Variants in PDCD2L observed in about 807,000 individuals in gnomAD.
PDCD2L encodes uS5 assembly chaperone PDCD2L.
In PDCD2L, 44 loss-of-function variants were observed where a neutral mutation model predicts 40.4. That is an observed-to-expected ratio of 1.09 (90% CI 0.86 to 1.40). The LOEUF (loss-of-function observed/expected upper bound fraction) is 1.40. Among genes scored for constraint, PDCD2L ranks in the 40% most tolerant of loss-of-function variants. The pLI is 0.00. For missense variants in PDCD2L, 470 were observed against 453.7 expected (o/e 1.04, Z -0.33); for synonymous variants, 194 against 174.6 (o/e 1.11, Z -0.88).
chr19:34,407,729 A>G (rs1382580957), intron 3 of PDCD2L, among the ~76,000 whole-genome samples: 2 of 152,146 alleles, frequency 1.3e-5, no homozygotes, highest in South Asian at 4.2e-4. Flanking sequence ...GTGTGTACAT[A>G]TATGTGGTTG....
intron 6 of PDCD2L, among the ~76,000 whole-genome samples, chr19:34,423,211 G>C (rs1043061075): frequency 4.7e-4 from 72 of 151,782 alleles, no homozygotes; most frequent in African/African-American, 1.7e-3. Context: ...TGTTTTTTGA[G>C]ACGGAGTTTC....
Position 34,409,336 on chromosome 19 carries a change from T to C in PDCD2L, c.512T>C (p.Val171Ala). The change falls in exon 4 of 7, where the codon GTC becomes GCC. Residue 171 changes from valine (V) to alanine (A), a missense_variant. Coordinates refer to ENST00000246535, the MANE Select transcript of PDCD2L (RefSeq NM_032346.2). ...CAAGACCTCCGCCTGCAGGATGCTG[T>C]CCTGGGTGCTGCCCATCCTGTGCCT... ...RLQDLRLQDAVLGAAHPVPPG... is the reference protein window; with the variant it reads ...RLQDLRLQDAALGAAHPVPPG... The C allele has an allele frequency of 3.7e-6, 6 of 1,614,040 alleles. No homozygotes were observed. Among genetic ancestry groups the C allele is most frequent in the Non-Finnish European group, 5.1e-6 (6 of 1,180,018 alleles).
chr19:34,415,932 T>C (rs1025751791), intron 5 of PDCD2L, among the ~76,000 whole-genome samples: 2 of 152,182 alleles, frequency 1.3e-5, no homozygotes, highest in African/African-American at 4.8e-5. Flanking sequence ...AGAATTTTCT[T>C]TTTTCGGAAA....
chr19:34,413,320 G>A (rs989382771), intron 4 of PDCD2L, among the ~76,000 whole-genome samples: 8 of 147,112 alleles, frequency 5.4e-5, no homozygotes, highest in Non-Finnish European at 7.4e-5. Context: ...GATTAAAGGC[G>A]TGATTGATTT....
At position 34,404,791 on chromosome 19, in the gene PDCD2L, G is replaced by T; in HGVS notation, c.251G>T (p.Gly84Val). The T allele has an allele frequency of 6.2e-7, 1 of 1,605,420 alleles. No individual in the cohort carries two copies. The change falls in exon 2 of 7, where the codon GGC becomes GTC. Residue 84 changes from glycine (G) to valine (V), a missense_variant. Coordinates refer to ENST00000246535, the MANE Select transcript of PDCD2L (RefSeq NM_032346.2). Reference protein sequence around the residue: ...LLHVFACACPGCSTGGARSWK... With the variant: ...LLHVFACACPVCSTGGARSWK... ...CACGTGTTCGCGTGCGCCTGCCCCG[G>T]CTGTAGCACCGGCGGTGCGCGCAGG...
chr19:34,410,762 T>TTATATTTATTTATTTA (rs146147218), intron 4 of PDCD2L, among the ~76,000 whole-genome samples: 9,572 of 146,214 alleles, frequency 0.065, 396 homozygotes, highest in Admixed American at 0.087. Flanking sequence ...ACTTTTTATT[T>TTATATTTATTTATTTA]TTTATTTATT....
chr19:34,409,991 T>TA (rs1440534819), intron 4 of PDCD2L, among the ~76,000 whole-genome samples: 1 of 152,196 alleles, frequency 6.6e-6, no homozygotes, highest in Non-Finnish European at 1.5e-5. Context: ...GATGGTGATA[T>TA]CTCTGTTCTC....
intron 3 of PDCD2L, among the ~76,000 whole-genome samples, chr19:34,408,015 C>T (rs2075084739): frequency 6.6e-6 from 1 of 152,044 alleles, no homozygotes; most frequent in African/African-American, 2.4e-5. Context: ...CCAAGCCATT[C>T]TCCCACGTCA....
intron 3 of PDCD2L, among the ~76,000 whole-genome samples, chr19:34,407,772 AT>A (rs1467439145): frequency 6.6e-6 from 1 of 152,162 alleles, no homozygotes; most frequent in African/African-American, 2.4e-5. Flanking sequence ...TTTATAGTAA[AT>A]ATACTTTATG....
rs925230512 is a variant in PDCD2L, at chr19:34,411,079, G to A, written c.686+1569G>A. On this transcript the variant is annotated intron_variant, in intron 4 of 6. Coordinates refer to ENST00000246535, the MANE Select transcript of PDCD2L (RefSeq NM_032346.2). ...ATTACAGGTGTGAGCCACCGCGCCC[G>A]GCAGGATTTTTTATTTTTTAATTTC... 2.8e-4 allele frequency among the ~76,000 whole-genome samples: 42 copies of A among 150,220 alleles called. 1 individual carries two copies. The highest frequency in any genetic ancestry group is 2.4e-3 in the Admixed American group (36 of 15,068).
In PDCD2L at chr19:34,426,031, G is replaced by T. The variant is rs753916822; in HGVS notation, c.988G>T (p.Glu330Ter). The T allele has an allele frequency of 1.7e-5, 28 of 1,613,306 alleles. No individual in the cohort carries two copies. Residue 330 changes from glutamate (E) to a stop codon, truncating the protein, a stop_gained, in exon 7 of 7, where the codon GAG (glutamate) becomes TAG (stop). Transcript: ENST00000246535. LOFTEE classifies it high-confidence loss of function. Reference sequence around the variant, plus strand: ...TGGAACAATTCTAGTTTACACATGTGAGAAGAGTTGCTGGCCCCCAAATCA... The same window carrying T: ...TGGAACAATTCTAGTTTACACATGTTAGAAGAGTTGCTGGCCCCCAAATCA... ...EFGTILVYTC[E>*]KSCWPPNHQT...
In PDCD2L at chr19:34,407,174, G is replaced by A. The variant is rs538923197; in HGVS notation, c.337-1987G>A. 3.4e-5 allele frequency among the ~76,000 whole-genome samples: 5 copies of A among 145,722 alleles called. No homozygotes were observed. The East Asian group carries it at 6.2e-4, about 18-fold the overall frequency. Reference sequence around the variant, plus strand: ...TTTTTTTTCTTTGAGATGGAGTTTCGCTTTGTTGCCAGGCCGGAGTGCAGT... The same window carrying A: ...TTTTTTTTCTTTGAGATGGAGTTTCACTTTGTTGCCAGGCCGGAGTGCAGT... On this transcript the variant is annotated intron_variant, in intron 3 of 6. Coordinates refer to ENST00000246535, the MANE Select transcript of PDCD2L (RefSeq NM_032346.2).
In PDCD2L at chr19:34,421,517, A is replaced by G; in HGVS notation, c.798-2A>G. Reference sequence around the variant, plus strand: ...TCGGGGTTCTTTGTTTCCTTGTCCTAGGTATTCCTGGAGTGGAGAGCCACT... The same window carrying G: ...TCGGGGTTCTTTGTTTCCTTGTCCTGGGTATTCCTGGAGTGGAGAGCCACT... On this transcript the variant is annotated splice_acceptor_variant, in intron 5 of 6. Transcript: ENST00000246535. LOFTEE classifies it high-confidence loss of function. 3 of 1,613,918 alleles carry G rather than the reference A, an allele frequency of 1.9e-6. No individual in the cohort carries two copies. Among genetic ancestry groups the G allele is most frequent in the East Asian group, 2.2e-5 (1 of 44,854 alleles).
chr19:34,419,104 G>A (rs990282349), intron 5 of PDCD2L, among the ~76,000 whole-genome samples: 4 of 151,910 alleles, frequency 2.6e-5, no homozygotes, highest in African/African-American at 7.3e-5. Flanking sequence ...TTTTTAACAC[G>A]GAATATGCAG....
At chr19:34,406,337 G>T (rs1283234038) in intron 3 of PDCD2L, among the ~76,000 whole-genome samples, 1 of 152,008 alleles carries the variant, frequency 6.6e-6, no homozygotes, top group East Asian at 1.9e-4. Flanking sequence ...TTAACATCTT[G>T]TGAGAACATT....
intron 5 of PDCD2L, among the ~76,000 whole-genome samples, chr19:34,417,354 A>G (rs1192469083): frequency 6.6e-6 from 1 of 152,194 alleles, no homozygotes; most frequent in Non-Finnish European, 1.5e-5. Context: ...TTAAGCCTGT[A>G]ATCCCAGCAC....
At chr19:34,418,837 G>A (rs2145469146) in intron 5 of PDCD2L, among the ~76,000 whole-genome samples, 1 of 152,190 alleles carries the variant, frequency 6.6e-6, no homozygotes, top group Non-Finnish European at 1.5e-5. Flanking sequence ...GCATTTTATT[G>A]TGGCTTTAAT....
intron 4 of PDCD2L, 85 bp from the exon 5 acceptor site, chr19:34,413,652 A>G (rs892904491): frequency 2.2e-6 from 2 of 903,048 alleles, no homozygotes; most frequent in Non-Finnish European, 3.4e-6. Flanking sequence ...AAATTTTTTA[A>G]AAGAAAATTA....
chr19:34,423,070 G>A (rs575607102), intron 6 of PDCD2L, among the ~76,000 whole-genome samples: 1 of 152,250 alleles, frequency 6.6e-6, no homozygotes, highest in African/African-American at 2.4e-5. Flanking sequence ...TCTGAAAGGT[G>A]CTTCTGCTAT....
Sources: gnomAD v4.1 joint callset for allele counts (sites outside exome capture counted in the v4.1 genomes callset) on GRCh38, gnomAD v4.1.1 for gene constraint, MANE v1.5 for transcripts, NCBI Gene and HGNC (gene_info 2026-07-23, HGNC 2026-07-21) for gene names.